The following SP100 variants were observed in gnomAD, a reference collection of about 807,000 sequenced individuals.
The protein encoded by SP100 is nuclear autoantigen Sp-100.
Under a neutral mutation model 130.0 loss-of-function variants are expected in SP100, and 84 were observed. The ratio of observed to expected loss-of-function variants is 0.65; its 90% CI spans 0.54 to 0.77. SP100 has a LOEUF of 0.77. Among genes scored for constraint, SP100 ranks in the 30% least tolerant of loss-of-function variants. The pLI is 0.00. For synonymous variants in SP100, 331 were observed against 351.7 expected (o/e 0.94, Z 0.66); for missense variants, 978 against 1,052.2 (o/e 0.93, Z 0.97).
At chr2:230,515,406 A>C (rs772606636) in intron 24 of SP100, 7 of 1,613,924 alleles carry the variant, frequency 4.3e-6, no homozygotes, top group Non-Finnish European at 5.9e-6. Flanking sequence ...TTGTGAAGAA[A>C]CTGGCAGGGA....
At chr2:230,430,841 TC>T (rs1559483466) in intron 2 of SP100, among the ~76,000 whole-genome samples, 2 of 152,230 alleles carry the variant, frequency 1.3e-5, no homozygotes, top group Non-Finnish European at 2.9e-5. Flanking sequence ...GGGCAGGGTC[TC>T]AATTTGGACT....
At chr2:230,419,327 C>T (rs373164643) in intron 2 of SP100, among the ~76,000 whole-genome samples, 1 of 152,170 alleles carries the variant, frequency 6.6e-6, no homozygotes, top group African/African-American at 2.4e-5. Flanking sequence ...CCTCTCCATC[C>T]TGCCCAGGAT....
chr2:230,513,065 G>A (rs1247889339), intron 24 of SP100, among the ~76,000 whole-genome samples: 3 of 152,176 alleles, frequency 2.0e-5, no homozygotes, highest in South Asian at 2.1e-4. Flanking sequence ...TCACTCACTC[G>A]CCCACCACTA....
chr2:230,428,076 C>A (rs2062988422), intron 2 of SP100, among the ~76,000 whole-genome samples: 1 of 151,898 alleles, frequency 6.6e-6, no homozygotes, highest in Admixed American at 6.6e-5. Context: ...ACTAAAACTA[C>A]AAAAATTAGC....
chr2:230,428,792 A>G (rs765381823), intron 2 of SP100, among the ~76,000 whole-genome samples: 6 of 152,156 alleles, frequency 3.9e-5, no homozygotes, highest in Non-Finnish European at 8.8e-5. Flanking sequence ...TCACTGTCAC[A>G]AGAACAGCAA....
In SP100 at chr2:230,449,618, A is replaced by C. The variant is rs768957830; in HGVS notation, c.644A>C (p.Asn215Thr). 1 of 1,614,184 alleles carries C rather than the reference A, an allele frequency of 6.2e-7. No homozygotes were observed. The highest frequency in any genetic ancestry group is 1.3e-5 in the African/African-American group (1 of 75,060). ...CACCCCTGTGAAACAGAACAGATAA[A>C]TGCAAAGAGAAAAGATACAACCAGT... ...SEHPCETEQI[N>T]AKRKDTTSDK... The change falls in exon 7 of 29, where the codon AAT becomes ACT. Residue 215 changes from asparagine to threonine, a missense_variant. Asn to Thr is a moderately conservative substitution (Grantham distance 65). Coordinates refer to ENST00000340126, the MANE Select transcript of SP100 (RefSeq NM_001080391.2).
intron 17 of SP100, among the ~76,000 whole-genome samples, chr2:230,487,511 G>C (rs1045682320): frequency 4.6e-5 from 7 of 152,154 alleles, no homozygotes; most frequent in Non-Finnish European, 1.0e-4. Flanking sequence ...TGAGGTCTCT[G>C]TTCTGTTCCA....
intron 1 of SP100, 93 bp from the exon 2 acceptor site, chr2:230,417,498 A>G: frequency 1.3e-6 from 2 of 1,490,154 alleles, no homozygotes; most frequent in African/African-American, 1.4e-5. Flanking sequence ...TTACATCTAA[A>G]CAAATATTTA....
chr2:230,474,040 G>C (rs2065412262), intron 16 of SP100, among the ~76,000 whole-genome samples: 1 of 152,172 alleles, frequency 6.6e-6, no homozygotes, highest in South Asian at 2.1e-4. Context: ...TGTTTTGAAA[G>C]ATATCCTCTG....
At chr2:230,468,817 C>CAAAAAA (rs10617635) in intron 13 of SP100, 25 of 149,788 alleles carry the variant, frequency 1.7e-4, no homozygotes, top group South Asian at 6.6e-4. Flanking sequence ...GACCCTGTCT[C>CAAAAAA]AAAAAAAAAA....
Position 230,449,599 on chromosome 2 carries a change from T to A in SP100, c.625T>A (p.Cys209Ser), listed in dbSNP as rs888513727. 7 of 1,613,964 alleles carry A rather than the reference T, an allele frequency of 4.3e-6. No individual in the cohort carries two copies. In the African/African-American group the frequency reaches 8.0e-5, roughly 18 times the overall value. Residue 209 changes from cysteine to serine, a missense_variant, in exon 7 of 29, where the codon TGT (cysteine) becomes AGT (serine). Transcript: ENST00000340126. ...PPENGLSEHP[C>S]ETEQINAKRK... ...TGAAAATGGACTCTCAGAGCACCCC[T>A]GTGAAACAGAACAGATAAATGCAAA...
chr2:230,518,093 A>C (rs910925736), intron 24 of SP100, among the ~76,000 whole-genome samples: 1 of 133,208 alleles, frequency 7.5e-6, no homozygotes, highest in African/African-American at 2.6e-5. Context: ...TAGACATTTT[A>C]CTTTAGAACA....
At chr2:230,527,815 A>G (rs1257337693) in intron 24 of SP100, among the ~76,000 whole-genome samples, 2 of 152,224 alleles carry the variant, frequency 1.3e-5, no homozygotes, top group Non-Finnish European at 2.9e-5. Flanking sequence ...ACCAAAACAA[A>G]GATCAAAAGA....
chr2:230,426,512 T>C (rs1018178003), intron 2 of SP100, among the ~76,000 whole-genome samples: 1 of 109,828 alleles, frequency 9.1e-6, no homozygotes, highest in African/African-American at 3.9e-5. Context: ...GAATGTGTTG[T>C]TTAATGTCCT....
At chr2:230,473,489 C>A in intron 16 of SP100, 49 bp downstream of exon 16, 1 of 1,102,016 alleles carries the variant, frequency 9.1e-7, no homozygotes, top group Non-Finnish European at 1.4e-6. Flanking sequence ...GTGGATATCA[C>A]AGACACTGGG....
intron 10 of SP100, 85 bp downstream of exon 10, chr2:230,462,603 C>T: frequency 1.0e-6 from 1 of 970,130 alleles, no homozygotes; most frequent in Non-Finnish European, 1.7e-6. Context: ...ATTCTGAGCT[C>T]ATTCTGTACA....
intron 24 of SP100, among the ~76,000 whole-genome samples, chr2:230,529,064 C>T (rs1691572116): frequency 1.3e-5 from 2 of 152,136 alleles, no homozygotes; most frequent in African/African-American, 4.8e-5. Context: ...GGAATCCTCC[C>T]TAACTTATTT....
rs187839172 is a variant in SP100, at chr2:230,469,114, C to A, written c.1345+18C>A. The A allele has an allele frequency of 1.1e-4, 165 of 1,507,658 alleles. 1 individual carries two copies. In the African/African-American group the frequency reaches 1.9e-3, roughly 17 times the overall value. The allele number at this position is 1,507,658 out of a possible 1,614,324, so 93.4% of individuals were successfully genotyped here. A position where few individuals can be genotyped will look rare whatever the true frequency, so the allele number is the denominator to read the frequency against. On this transcript the variant is annotated intron_variant, in intron 14 of 28. Coordinates refer to ENST00000340126, the MANE Select transcript of SP100 (RefSeq NM_001080391.2). Reference sequence around the variant, plus strand: ...GAAGAGACGTAAGAGCAATTAAAAACTCTTGATGTAACAAATGTCTTTATT... The same window carrying A: ...GAAGAGACGTAAGAGCAATTAAAAAATCTTGATGTAACAAATGTCTTTATT...
intron 24 of SP100, among the ~76,000 whole-genome samples, chr2:230,521,356 G>T (rs778845137): frequency 2.6e-5 from 4 of 152,146 alleles, no homozygotes; most frequent in East Asian, 1.9e-4. Context: ...TTGTAACAAG[G>T]AGCTGAAACA....
Sources: gnomAD v4.1 joint callset for allele counts (sites outside exome capture counted in the v4.1 genomes callset) on GRCh38, gnomAD v4.1.1 for gene constraint, MANE v1.5 for transcripts, NCBI Gene and HGNC (gene_info 2026-07-23, HGNC 2026-07-21) for gene names.